The following PCDHGA9 variants were observed in gnomAD, a reference collection of about 807,000 sequenced individuals.
PCDHGA9 encodes protocadherin gamma subfamily A, 9.
Under a neutral mutation model 62.5 loss-of-function variants are expected in PCDHGA9, and 37 were observed. That is an observed-to-expected ratio of 0.59 (90% CI 0.46 to 0.78). The LOEUF (loss-of-function observed/expected upper bound fraction) is 0.78, where lower values mean the gene tolerates loss of function less well. PCDHGA9 is among the 30% of genes least tolerant of loss of function. The pLI, the probability that PCDHGA9 is intolerant of heterozygous loss-of-function variation, is 0.00. For missense variants in PCDHGA9, 1,138 were observed against 1,166.2 expected, an observed-to-expected ratio of 0.98 and a Z score of 0.35; for synonymous variants, 459 against 484.6, an observed-to-expected ratio of 0.95 and a Z score of 0.69.
chr5:141,415,110 C>G (rs1490074484), intron 1 of PCDHGA9: 2 of 1,613,548 alleles, frequency 1.2e-6, no homozygotes, highest in East Asian at 2.2e-5. Flanking sequence ...TCAAGCAAAG[C>G]CTCGTAGTGG....
intron 1 of PCDHGA9, among the ~76,000 whole-genome samples, chr5:141,437,723 G>A (rs2097904411): frequency 6.6e-6 from 1 of 150,736 alleles, no homozygotes; most frequent in South Asian, 2.1e-4. Context: ...ACCCTCTAAT[G>A]TTACACTTTG....
At chr5:141,433,060 C>T in intron 1 of PCDHGA9, 1 of 1,614,198 alleles carries the variant, frequency 6.2e-7, no homozygotes, top group Non-Finnish European at 8.5e-7. Flanking sequence ...GGAAGAGTCA[C>T]CTGATCTTCC....
intron 1 of PCDHGA9, among the ~76,000 whole-genome samples, chr5:141,439,104 A>G (rs924055175): frequency 6.6e-6 from 1 of 151,676 alleles, no homozygotes; most frequent in African/African-American, 2.4e-5. Flanking sequence ...GAGGCAAGAG[A>G]ATCACTTGAA....
intron 1 of PCDHGA9, among the ~76,000 whole-genome samples, chr5:141,459,160 T>C (rs1330588092): frequency 6.6e-6 from 1 of 152,228 alleles, no homozygotes; most frequent in African/African-American, 2.4e-5. Context: ...AGAACATTTC[T>C]ATAACCTTCA....
intron 1 of PCDHGA9, among the ~76,000 whole-genome samples, chr5:141,448,274 T>G (rs2098579713): frequency 6.6e-6 from 1 of 152,196 alleles, no homozygotes; most frequent in South Asian, 2.1e-4. Context: ...TATATACTGT[T>G]GTGCAACTTG....
intron 1 of PCDHGA9, among the ~76,000 whole-genome samples, chr5:141,425,605 A>G (rs1229246680): frequency 6.6e-6 from 1 of 152,230 alleles, no homozygotes; most frequent in Non-Finnish European, 1.5e-5. Context: ...TGCCCTATAT[A>G]GCTTTCAGTG....
Position 141,486,979 on chromosome 5 carries a change from C to T in PCDHGA9, c.2425-7828C>T. On this transcript the variant is annotated intron_variant, in intron 1 of 3. Transcript: ENST00000573521. This position sits in a 1 kb window ranked among gnomAD's most constrained non-coding sequence, Gnocchi z 5.0. ...CTGCTGTGGACTTGGATTCAGGTTACAATGCTTGGGTTTCCTATCAGCTCC... is the reference window on the plus strand; with the variant it reads ...CTGCTGTGGACTTGGATTCAGGTTATAATGCTTGGGTTTCCTATCAGCTCC... 6.2e-7 allele frequency: 1 copy of T among 1,614,200 alleles called. No individual in the cohort carries two copies. Among genetic ancestry groups the T allele is most frequent in the Non-Finnish European group, 8.5e-7 (1 of 1,180,032 alleles).
intron 1 of PCDHGA9, among the ~76,000 whole-genome samples, chr5:141,484,569 AGACT>A (rs1376518478): frequency 1.3e-5 from 2 of 152,106 alleles, no homozygotes; most frequent in African/African-American, 2.4e-5. Context: ...CAATACAATC[AGACT>A]GAGACGGAAG....
In PCDHGA9 at chr5:141,476,238, G is replaced by A; in HGVS notation, c.2425-18569G>A. The A allele has an allele frequency of 1.2e-6, 2 of 1,614,098 alleles. No individual in the cohort carries two copies. ...ATTCACTATGAGATCCCGGAGGAAAGAGAGAAGGGTTTCGCTGTGGGCAAC... is the reference window on the plus strand; with the variant it reads ...ATTCACTATGAGATCCCGGAGGAAAAAGAGAAGGGTTTCGCTGTGGGCAAC... On this transcript the variant is annotated intron_variant, in intron 1 of 3. Coordinates refer to ENST00000573521, the MANE Select transcript of PCDHGA9 (RefSeq NM_018921.3). The surrounding 1 kb of genome is among the most constrained non-coding windows in gnomAD (Gnocchi z 7.6).
At position 141,404,170 on chromosome 5, in the gene PCDHGA9, G is replaced by A. The variant is rs73279089; in HGVS notation, c.1218G>A (p.Thr406=). 22 of 1,612,630 alleles carry A rather than the reference G, an allele frequency of 1.4e-5. No individual in the cohort carries two copies. In the East Asian group the frequency reaches 1.8e-4, roughly 13 times the overall value. Residue 406 remains threonine, a synonymous_variant, in exon 1 of 4, where the codon ACG becomes ACA. Coordinates refer to ENST00000573521, the MANE Select transcript of PCDHGA9 (RefSeq NM_018921.3). ...NSEEDYYRLL[T]AQILDREKAS... is the part of the protein sequence containing the mutation. ...AAGAAGATTATTACAGATTGTTGACGGCCCAAATTCTTGACCGAGAAAAAG... is the reference window on the plus strand; with the variant it reads ...AAGAAGATTATTACAGATTGTTGACAGCCCAAATTCTTGACCGAGAAAAAG...
intron 1 of PCDHGA9, among the ~76,000 whole-genome samples, chr5:141,434,029 A>C (rs970204484): frequency 2.6e-5 from 4 of 152,126 alleles, no homozygotes; most frequent in Admixed American, 2.6e-4. Context: ...TTCTGGAAGC[A>C]TGGTTTTCTA....
intron 1 of PCDHGA9, chr5:141,421,426 A>T: frequency 1.2e-6 from 2 of 1,614,104 alleles, no homozygotes; most frequent in Non-Finnish European, 8.5e-7. Flanking sequence ...CGGAGTCCGC[A>T]TCGTCTCCAG....
At chr5:141,468,382 G>T (rs1247387630) in intron 1 of PCDHGA9, 1 of 151,194 alleles carries the variant, frequency 6.6e-6, no homozygotes, top group Non-Finnish European at 1.5e-5. Context: ...GCCATACAAG[G>T]CTACCCATTT....
Position 141,485,113 on chromosome 5 carries a change from T to G in PCDHGA9, c.2425-9694T>G. On this transcript the variant is annotated intron_variant, in intron 1 of 3. Transcript: ENST00000573521. This position sits in a 1 kb window ranked among gnomAD's most constrained non-coding sequence, Gnocchi z 5.7. ...AGGTGTCTCCAGCTGCTGTGGCTGTTTGGGGCGGGTCGGCTTCATCCGCGT... is the reference window on the plus strand; with the variant it reads ...AGGTGTCTCCAGCTGCTGTGGCTGTGTGGGGCGGGTCGGCTTCATCCGCGT... 1 of 1,286,014 alleles carries G rather than the reference T, an allele frequency of 7.8e-7. No individual in the cohort carries two copies. Among genetic ancestry groups the G allele is most frequent in the Non-Finnish European group, 1.1e-6 (1 of 898,642 alleles). 79.7% of individuals were successfully genotyped at this position (1,286,014 alleles called of 1,614,324 possible). A position where few individuals can be genotyped will look rare whatever the true frequency, so the allele number is the denominator to read the frequency against.
intron 3 of PCDHGA9, among the ~76,000 whole-genome samples, chr5:141,510,354 G>A (rs1311482557): frequency 2.1e-5 from 3 of 146,300 alleles, no homozygotes; most frequent in Non-Finnish European, 4.5e-5. Flanking sequence ...ACTTACTAAC[G>A]GAACTACCGA....
At position 141,402,825 on chromosome 5, in the gene PCDHGA9, A is replaced by G; in HGVS notation, c.-128A>G. ...CGGCAGATACCACAAACCTGCTCCCAGGCTGCAGCAAAACTCAGCCTCTTT... is the reference window on the plus strand; with the variant it reads ...CGGCAGATACCACAAACCTGCTCCCGGGCTGCAGCAAAACTCAGCCTCTTT... On this transcript the variant is annotated 5_prime_UTR_variant, in exon 1 of 4. Coordinates refer to ENST00000573521, the MANE Select transcript of PCDHGA9 (RefSeq NM_018921.3). 7.6e-7 allele frequency: 1 copy of G among 1,320,620 alleles called. No homozygotes were observed. Among genetic ancestry groups the G allele is most frequent in the Non-Finnish European group, 1.0e-6 (1 of 999,086 alleles). 81.8% of individuals were successfully genotyped at this position (1,320,620 alleles called of 1,614,324 possible). A position where few individuals can be genotyped will look rare whatever the true frequency, so the allele number is the denominator to read the frequency against.
intron 1 of PCDHGA9, among the ~76,000 whole-genome samples, chr5:141,449,561 C>T (rs777459619): frequency 2.7e-4 from 39 of 147,008 alleles, no homozygotes; most frequent in Non-Finnish European, 4.6e-4. Flanking sequence ...TGCACTCCAG[C>T]CTGGGCGACA....
chr5:141,487,391 A>C lies in PCDHGA9; in HGVS notation c.2425-7416A>C. 1 of 1,614,090 alleles carries C rather than the reference A, an allele frequency of 6.2e-7. No homozygotes were observed. The highest frequency in any genetic ancestry group is 1.1e-5 in the South Asian group (1 of 91,078). ...TGCCTGTCTCACCAGATCTCGAAGG[A>C]GGGAGGGGCTTCCCCCTTCCAATGG... On this transcript the variant is annotated intron_variant, in intron 1 of 3. Transcript: ENST00000573521. The surrounding 1 kb of genome is among the most constrained non-coding windows in gnomAD (Gnocchi z 5.0).
intron 1 of PCDHGA9, chr5:141,427,514 G>A (rs1193674497): frequency 1.7e-6 from 1 of 595,712 alleles, no homozygotes; most frequent in Non-Finnish European, 3.2e-6. Context: ...CCCTGGATTG[G>A]GAGCGGATCC....
Sources: gnomAD v4.1 joint callset for allele counts (sites outside exome capture counted in the v4.1 genomes callset) on GRCh38, gnomAD v4.1.1 for gene constraint, Gnocchi (gnomAD v3.1) non-coding constraint, MANE v1.5 for transcripts, NCBI Gene and HGNC (gene_info 2026-07-23, HGNC 2026-07-21) for gene names.